Variants in SMS observed in about 807,000 individuals in gnomAD.
SMS encodes the protein spermidine aminopropyltransferase.
A neutral mutation model predicts 33.0 loss-of-function variants in SMS; 3 were observed. That is an observed-to-expected ratio of 0.09 (90% CI 0.04 to 0.23). The LOEUF (loss-of-function observed/expected upper bound fraction) is 0.23, where lower values mean the gene tolerates loss of function less well. SMS is among the 10% of genes least tolerant of loss of function. The pLI is 1.00. For missense variants in SMS, 117 were observed against 288.6 expected, an observed-to-expected ratio of 0.41 and a Z score of 4.31; for synonymous variants, 103 against 112.2, an observed-to-expected ratio of 0.92 and a Z score of 0.52.
chrX:21,959,935 A>T, intron 1 of SMS: 8 of 754,163 alleles, frequency 1.1e-5, no homozygotes, highest in Non-Finnish European at 1.3e-5. Flanking sequence ...GCAGGCAAGA[A>T]GGGGCCGGGT....
chrX:21,941,455 T>C, intron 1 of SMS: 1 of 154,251 alleles, frequency 6.5e-6, no homozygotes, highest in Non-Finnish European at 1.3e-5. Context: ...CTTGCAGAAT[T>C]CTCAGCCGAC....
At chrX:21,953,296 G>T (rs1298629369) in intron 1 of SMS, among the ~76,000 whole-genome samples, 1 of 107,456 alleles carries the variant, frequency 9.3e-6, no homozygotes, top group Non-Finnish European at 1.9e-5. Flanking sequence ...TTTCGTGGGG[G>T]CAGGGGGAGA....
chrX:21,978,826 C>G (rs771431238), intron 6 of SMS, 51 bp from the exon 7 acceptor site: 4 of 821,327 alleles, frequency 4.9e-6, no homozygotes, highest in South Asian at 4.1e-5. Flanking sequence ...TAAAGTATTA[C>G]TATTTCAGAA....
At chrX:21,949,985 A>G (rs1922494301) in intron 1 of SMS, among the ~76,000 whole-genome samples, 1 of 111,331 alleles carries the variant, frequency 9.0e-6, no homozygotes. Flanking sequence ...TTCGGTCCCA[A>G]GCATTTTGGA....
chrX:21,956,027 A>G (rs1289374539), intron 1 of SMS, among the ~76,000 whole-genome samples: 1 of 112,237 alleles, frequency 8.9e-6, no homozygotes, highest in East Asian at 2.8e-4. Flanking sequence ...TCTCCCTTGC[A>G]GTGGGAATGA....
At chrX:21,965,184 A>G (rs867684264) in intron 1 of SMS, among the ~76,000 whole-genome samples, 1 of 112,042 alleles carries the variant, frequency 8.9e-6, no homozygotes, top group Non-Finnish European at 1.9e-5. Flanking sequence ...CCTTAACTTA[A>G]TTACATCTAC....
At chrX:21,948,769 CTTAGT>C (rs1423433842) in intron 1 of SMS, among the ~76,000 whole-genome samples, 3 of 111,498 alleles carry the variant, frequency 2.7e-5, no homozygotes, top group African/African-American at 6.5e-5. Flanking sequence ...CAATAAAGTT[CTTAGT>C]TTAGTTTTTG....
intron 1 of SMS, among the ~76,000 whole-genome samples, chrX:21,954,930 G>C (rs758895073): frequency 1.5e-3 from 166 of 110,226 alleles, no homozygotes; most frequent in African/African-American, 5.4e-3. Context: ...CCTGCCTTCT[G>C]GGTTCAAGGG....
intron 6 of SMS, 30 bp downstream of exon 6, chrX:21,978,144 C>T (rs751220225): frequency 6.8e-6 from 8 of 1,174,017 alleles, no homozygotes; most frequent in Non-Finnish European, 9.3e-6. Context: ...AGAACAAGTT[C>T]AGTGGGCTTC....
At chrX:21,976,921 T>TAA (rs1924570216) in intron 4 of SMS, 140 bp from the exon 5 acceptor site, 1 of 578,410 alleles carries the variant, frequency 1.7e-6, no homozygotes, top group African/African-American at 2.2e-5. Flanking sequence ...TATATAAAAC[T>TAA]AAAAGCCCAA....
intron 7 of SMS, among the ~76,000 whole-genome samples, chrX:21,982,288 A>G (rs1269239897): frequency 1.9e-5 from 2 of 105,505 alleles, no homozygotes; most frequent in Non-Finnish European, 3.9e-5. Context: ...CAGTGAGCCC[A>G]GATCGCATCA....
chrX:21,988,018 A>G (rs1018223303), intron 9 of SMS, among the ~76,000 whole-genome samples: 2 of 112,352 alleles, frequency 1.8e-5, no homozygotes, highest in African/African-American at 6.5e-5. Flanking sequence ...AATCAAAAGG[A>G]TTGTATGCCC....
Position 21,992,654 on chromosome X carries a change from C to T in SMS, c.1003C>T (p.Leu335=). 2 of 1,204,026 alleles carry T rather than the reference C, an allele frequency of 1.7e-6. No homozygotes were observed. Among genetic ancestry groups the T allele is most frequent in the Non-Finnish European group, 2.2e-6 (2 of 889,504 alleles). Residue 335 remains leucine (L), a synonymous_variant, in exon 10 of 11, where the codon CTG becomes TTG. Coordinates refer to ENST00000404933, the MANE Select transcript of SMS (RefSeq NM_004595.5). ...GCTCTATGAAGAACAGCTGGGGCGC[C>T]TGTATTGTCCTGTGGAATTTTCAAA... ...LSLYEEQLGR[L]YCPVEFSKEI...
intron 1 of SMS, among the ~76,000 whole-genome samples, chrX:21,956,643 T>A (rs1156854488): frequency 9.0e-6 from 1 of 110,842 alleles, no homozygotes; most frequent in African/African-American, 3.3e-5. Flanking sequence ...CTAATTTTTG[T>A]GTTTTTAGTA....
intron 8 of SMS, 46 bp from the exon 9 acceptor site, chrX:21,985,098 T>A (rs374311853): frequency 2.5e-6 from 2 of 812,857 alleles, no homozygotes; most frequent in Non-Finnish European, 1.9e-6. Context: ...ATGTTGTGGA[T>A]ACATACAAAC....
At chrX:21,992,755 C>A in intron 10 of SMS, 43 bp downstream of exon 10, 1 of 773,987 alleles carries the variant, frequency 1.3e-6, no homozygotes, top group Non-Finnish European at 2.0e-6. Context: ...TCAAAGCACC[C>A]AAGTAAATCA....
intron 1 of SMS, among the ~76,000 whole-genome samples, chrX:21,961,034 CTTTTTTTT>C (rs773159264): frequency 4.8e-5 from 2 of 41,728 alleles, no homozygotes; most frequent in African/African-American, 1.1e-4. Context: ...ATATGCATGT[CTTTTTTTT>C]TTTTTTTTTT....
At chrX:21,957,457 C>T (rs1018594169) in intron 1 of SMS, among the ~76,000 whole-genome samples, 14 of 110,777 alleles carry the variant, frequency 1.3e-4, no homozygotes, top group Non-Finnish European at 1.5e-4. Context: ...CCACCACACC[C>T]GGCTAGTTTT....
intron 9 of SMS, among the ~76,000 whole-genome samples, chrX:21,990,994 A>G (rs1272202830): frequency 8.9e-6 from 1 of 112,179 alleles, no homozygotes; most frequent in African/African-American, 3.2e-5. Flanking sequence ...CGTCACGTTG[A>G]GTGAATGTGC....
Sources: allele counts gnomAD v4.1 joint callset (sites outside exome capture counted in the v4.1 genomes callset), GRCh38; gene constraint gnomAD v4.1.1; transcripts MANE v1.5; gene names NCBI Gene and HGNC (gene_info 2026-07-23, HGNC 2026-07-21).